The following NALF1 variants were observed in gnomAD, a reference collection of about 807,000 sequenced individuals.
The protein encoded by NALF1 is NALCN channel auxiliary factor 1, also known as family with sequence similarity 155 member A.
A neutral mutation model predicts 48.4 loss-of-function variants in NALF1; 3 were observed. That is an observed-to-expected ratio of 0.06 (90% CI 0.03 to 0.16). The LOEUF is 0.16. Ranked by LOEUF, NALF1 falls within the 10% of genes least tolerant of loss-of-function variation. The pLI is 1.00. For missense variants in NALF1, 526 were observed against 571.5 expected (o/e 0.92, Z 0.81); for synonymous variants, 262 against 245.7 (o/e 1.07, Z -0.62).
chr13:107,683,133 T>A (rs575858400), intron 1 of NALF1, among the ~76,000 whole-genome samples: 1 of 151,946 alleles, frequency 6.6e-6, no homozygotes, highest in South Asian at 2.1e-4. Context: ...TGTGGTAGAG[T>A]GCACCTGTGG....
intron 2 of NALF1, among the ~76,000 whole-genome samples, chr13:107,178,282 G>T (rs889874965): frequency 3.4e-4 from 51 of 152,152 alleles, no homozygotes; most frequent in Non-Finnish European, 4.4e-5. Flanking sequence ...CAGAATGGAA[G>T]AAAACATTTG....
intron 1 of NALF1, among the ~76,000 whole-genome samples, chr13:107,707,048 A>T (rs796961070): frequency 2.8e-5 from 4 of 141,980 alleles, no homozygotes; most frequent in African/African-American, 1.1e-4. Flanking sequence ...TCAGCCTCCC[A>T]AGTAGCTGGG....
chr13:107,797,098 G>T (rs774718136), intron 1 of NALF1, among the ~76,000 whole-genome samples: 1 of 152,174 alleles, frequency 6.6e-6, no homozygotes, highest in African/African-American at 2.4e-5. Context: ...GGAGGTGATC[G>T]TGTTTCCTTC....
intron 2 of NALF1, among the ~76,000 whole-genome samples, chr13:107,202,202 T>A (rs1879535663): frequency 6.6e-6 from 1 of 152,106 alleles, no homozygotes; most frequent in Admixed American, 6.6e-5. Context: ...GGAATTAACT[T>A]TAAAACTAAT....
chr13:107,656,624 G>T (rs929180265), intron 1 of NALF1, among the ~76,000 whole-genome samples: 2 of 152,136 alleles, frequency 1.3e-5, no homozygotes, highest in Non-Finnish European at 2.9e-5. Context: ...ACTAAAAGTA[G>T]ATCTACCTTT....
chr13:107,421,171 A>G, intron 1 of NALF1, among the ~76,000 whole-genome samples: 1 of 152,198 alleles, frequency 6.6e-6, no homozygotes, highest in African/African-American at 2.4e-5. Context: ...TCAATTTCAC[A>G]TACACTCACC....
rs1878784962 is a variant in NALF1, at chr13:107,170,750, T to A, written c.1124A>T (p.Glu375Val). The A allele has an allele frequency of 6.2e-7, 1 of 1,614,090 alleles. No individual in the cohort carries two copies. Among genetic ancestry groups the A allele is most frequent in the Non-Finnish European group, 8.5e-7 (1 of 1,180,052 alleles). The change falls in exon 3 of 3, where the codon GAA becomes GTA. Residue 375 changes from glutamate (E) to valine (V), a missense_variant. This residue lies in a region of NALF1 where 153 missense variants were observed against 215.9 expected (regional missense o/e 0.71). Transcript: ENST00000375915. ...YETFLTNDEP[E>V]CCDVRREEKS... ...TTCTTCTCTCCTGACGTCACAGCAT[T>A]CTGGTTCATCATTGGTTAGAAAGGT...
intron 1 of NALF1, among the ~76,000 whole-genome samples, chr13:107,408,385 G>C (rs981431770): frequency 6.6e-6 from 1 of 151,912 alleles, no homozygotes; most frequent in African/African-American, 2.4e-5. Flanking sequence ...ATTACCTCAT[G>C]TAACCCATAA....
At chr13:107,635,800 A>C (rs1336909112) in intron 1 of NALF1, among the ~76,000 whole-genome samples, 3 of 152,156 alleles carry the variant, frequency 2.0e-5, no homozygotes, top group Non-Finnish European at 4.4e-5. Context: ...TTCCTATCAA[A>C]GCACAACCTA....
chr13:107,660,472 CACACACACACACAACAAAGAAACAAAAAA>C (rs1306298374), intron 1 of NALF1, among the ~76,000 whole-genome samples: 1 of 122,586 alleles, frequency 8.2e-6, no homozygotes, highest in East Asian at 2.1e-4. Flanking sequence ...CACACACACA[CACACACACACACAACAAAGAAACAAAAAA>C]ACAAACAAAA....
rs1281784385 is a variant in NALF1, at chr13:107,470,193, C to T, written c.916-259438G>A. On this transcript the variant is annotated intron_variant, in intron 1 of 2. Transcript: ENST00000375915. ...TCTGGAAAGGTCTAATGGTCCCTAA[C>T]TTTACTTATTTGCATATGGTTGTTC... Among the ~76,000 whole-genome samples, 3 of 152,226 alleles carry T rather than the reference C, an allele frequency of 2.0e-5. No homozygotes were observed. The East Asian group carries it at 5.8e-4, about 29-fold the overall frequency.
At chr13:107,779,383 C>T (rs558334924) in intron 1 of NALF1, among the ~76,000 whole-genome samples, 1 of 152,304 alleles carries the variant, frequency 6.6e-6, no homozygotes, top group South Asian at 2.1e-4. Context: ...TTCCATATGT[C>T]CTTTAAGGAG....
intron 1 of NALF1, among the ~76,000 whole-genome samples, chr13:107,813,132 A>C (rs1442255474): frequency 6.6e-6 from 1 of 152,160 alleles, no homozygotes; most frequent in Non-Finnish European, 1.5e-5. Flanking sequence ...TTCTTATTAG[A>C]TATTCACTAT....
chr13:107,749,415 T>C (rs1876871639), intron 1 of NALF1, among the ~76,000 whole-genome samples: 1 of 151,910 alleles, frequency 6.6e-6, no homozygotes, highest in African/African-American at 2.4e-5. Context: ...GCAAACCACA[T>C]AGGCAGGTTT....
At chr13:107,506,936 G>C (rs1875715076) in intron 1 of NALF1, among the ~76,000 whole-genome samples, 1 of 151,444 alleles carries the variant, frequency 6.6e-6, no homozygotes, top group Non-Finnish European at 1.5e-5. Flanking sequence ...ACTTTTTAAA[G>C]AAACATCTAT....
At chr13:107,522,391 A>G (rs1876272563) in intron 1 of NALF1, among the ~76,000 whole-genome samples, 3 of 151,998 alleles carry the variant, frequency 2.0e-5, no homozygotes, top group African/African-American at 7.3e-5. Context: ...TAGGTGTCTA[A>G]TCTTTTTGTG....
chr13:107,799,844 C>T (rs1367423602), intron 1 of NALF1, among the ~76,000 whole-genome samples: 1 of 151,920 alleles, frequency 6.6e-6, no homozygotes, highest in Non-Finnish European at 1.5e-5. Flanking sequence ...ACAGCAATAA[C>T]AATGACAAAA....
At chr13:107,775,922 A>G (rs922975738) in intron 1 of NALF1, among the ~76,000 whole-genome samples, 23 of 152,202 alleles carry the variant, frequency 1.5e-4, no homozygotes, top group African/African-American at 5.3e-4. Flanking sequence ...GTTTACTCTT[A>G]TGCACCTGGC....
At chr13:107,228,303 A>G (rs565967407) in intron 1 of NALF1, among the ~76,000 whole-genome samples, 4 of 152,198 alleles carry the variant, frequency 2.6e-5, no homozygotes, top group Non-Finnish European at 4.4e-5. Context: ...AGGCCATGAA[A>G]CATCTTTTGA....
Sources: gnomAD v4.1 joint callset for allele counts (sites outside exome capture counted in the v4.1 genomes callset) on GRCh38, gnomAD v4.1.1 for gene constraint, gnomAD v4.1.1 regional missense constraint, MANE v1.5 for transcripts, NCBI Gene and HGNC (gene_info 2026-07-23, HGNC 2026-07-21) for gene names.